Variants in PSD3 observed in about 807,000 individuals in gnomAD.
PSD3 encodes the protein pleckstrin and Sec7 domain containing 3.
Under a neutral mutation model 105.5 loss-of-function variants are expected in PSD3, and 49 were observed. The ratio of observed to expected loss-of-function variants is 0.46; its 90% CI spans 0.37 to 0.59. The LOEUF is 0.59. Among genes scored for constraint, PSD3 ranks in the 20% least tolerant of loss-of-function variants. PSD3 has a pLI of 0.00. For missense variants in PSD3, 1,561 were observed against 1,263.8 expected (o/e 1.24, Z -3.57); for synonymous variants, 557 against 457.8 (o/e 1.22, Z -2.77).
chr8:18,833,599 C>T (rs1385045840), intron 4 of PSD3, among the ~76,000 whole-genome samples: 2 of 152,118 alleles, frequency 1.3e-5, no homozygotes, highest in South Asian at 2.1e-4. Context: ...ATGAGTTTTC[C>T]ACTAGTTTCA....
At chr8:18,583,953 C>T (rs1313646877) in intron 12 of PSD3, among the ~76,000 whole-genome samples, 1 of 152,044 alleles carries the variant, frequency 6.6e-6, no homozygotes, top group African/African-American at 2.4e-5. Flanking sequence ...ATTTATGGCC[C>T]TCTGTATCAG....
chr8:18,576,237 G>A (rs904713245), intron 12 of PSD3, among the ~76,000 whole-genome samples: 1 of 152,074 alleles, frequency 6.6e-6, no homozygotes, highest in Non-Finnish European at 1.5e-5. Context: ...TCCTTCATGT[G>A]ACAATGCTGT....
intron 1 of PSD3, among the ~76,000 whole-genome samples, chr8:19,073,002 T>G (rs7000787): frequency 0.78 from 118,979 of 152,108 alleles, 47,498 homozygotes; most frequent in East Asian, 0.86. Flanking sequence ...GGTCCAGTAG[T>G]ACGAGGATTT....
At chr8:18,581,125 T>C (rs1315212504) in intron 12 of PSD3, among the ~76,000 whole-genome samples, 1 of 152,228 alleles carries the variant, frequency 6.6e-6, no homozygotes, top group Non-Finnish European at 1.5e-5. Flanking sequence ...TGACTCACTC[T>C]GTAACGAAGT....
At chr8:18,755,373 T>C (rs1404833227) in intron 9 of PSD3, among the ~76,000 whole-genome samples, 2 of 151,988 alleles carry the variant, frequency 1.3e-5, no homozygotes, top group African/African-American at 4.8e-5. Flanking sequence ...GAGGTTGCAG[T>C]GAGCCGAGAT....
intron 8 of PSD3, among the ~76,000 whole-genome samples, chr8:18,776,536 C>T (rs554965478): frequency 1.3e-5 from 2 of 151,824 alleles, no homozygotes; most frequent in Non-Finnish European, 2.9e-5. Flanking sequence ...GGCCACCACA[C>T]CTGGCTACTT....
intron 9 of PSD3, among the ~76,000 whole-genome samples, chr8:18,656,246 C>G (rs1004911070): frequency 1.3e-5 from 2 of 151,992 alleles, no homozygotes; most frequent in South Asian, 4.2e-4. Context: ...TTAGTAGAGA[C>G]GGGGTTTCAC....
intron 2 of PSD3, among the ~76,000 whole-genome samples, chr8:18,876,616 T>G (rs1428321638): frequency 1.3e-5 from 2 of 152,072 alleles, no homozygotes; most frequent in African/African-American, 4.8e-5. Context: ...CCCAGGCTAG[T>G]CTTGAACTCC....
chr8:19,019,793 C>T (rs1453896036), intron 1 of PSD3, among the ~76,000 whole-genome samples: 2 of 152,096 alleles, frequency 1.3e-5, no homozygotes, highest in Non-Finnish European at 2.9e-5. Flanking sequence ...CCTGGTGGGA[C>T]TCGACTGAAT....
At chr8:19,018,027 A>T (rs533498939), upstream of PSD3, among the ~76,000 whole-genome samples, 4 of 152,268 alleles carry the variant, frequency 2.6e-5, no homozygotes, top group African/African-American at 9.6e-5. Flanking sequence ...GCAATGTATG[A>T]AGGTTCTAAT....
At chr8:18,748,245 T>C (rs1252832435) in intron 9 of PSD3, among the ~76,000 whole-genome samples, 6 of 152,202 alleles carry the variant, frequency 3.9e-5, no homozygotes, top group Non-Finnish European at 8.8e-5. Context: ...TGGCAGAAAG[T>C]ATTCTGTGAC....
intron 11 of PSD3, among the ~76,000 whole-genome samples, chr8:18,608,693 C>T (rs1168031393): frequency 6.6e-6 from 1 of 152,112 alleles, no homozygotes; most frequent in Non-Finnish European, 1.5e-5. Flanking sequence ...ACCCCTCTTT[C>T]ATAAAGAGGA....
chr8:18,907,678 A>C (rs925151083), intron 2 of PSD3, among the ~76,000 whole-genome samples: 3 of 152,128 alleles, frequency 2.0e-5, no homozygotes, highest in African/African-American at 7.2e-5. Context: ...CTGCAAGTAC[A>C]CTCTGGTGTT....
At chr8:18,699,832 C>A (rs908024867) in intron 9 of PSD3, among the ~76,000 whole-genome samples, 4 of 151,636 alleles carry the variant, frequency 2.6e-5, no homozygotes, top group Non-Finnish European at 4.4e-5. Context: ...TTCGCAGTAA[C>A]ACACATTGTA....
chr8:18,665,240 T>G (rs1480437069), intron 9 of PSD3, among the ~76,000 whole-genome samples: 1 of 152,226 alleles, frequency 6.6e-6, no homozygotes, highest in African/African-American at 2.4e-5. Flanking sequence ...TTTGGATGTC[T>G]TCAAGAACAT....
At chr8:18,609,630 T>C (rs1805106995) in intron 11 of PSD3, among the ~76,000 whole-genome samples, 1 of 152,214 alleles carries the variant, frequency 6.6e-6, no homozygotes, top group Non-Finnish European at 1.5e-5. Flanking sequence ...GCTACCTTGA[T>C]AAGAAGGGAG....
intron 14 of PSD3, among the ~76,000 whole-genome samples, chr8:18,556,936 G>C (rs764105202): frequency 6.6e-6 from 1 of 152,134 alleles, no homozygotes; most frequent in Non-Finnish European, 1.5e-5. Context: ...CCTTCAACTT[G>C]ATTGGCCCAA....
intron 11 of PSD3, among the ~76,000 whole-genome samples, chr8:18,609,467 G>A (rs933168045): frequency 5.3e-5 from 8 of 152,184 alleles, no homozygotes; most frequent in Non-Finnish European, 1.2e-4. Flanking sequence ...CAGAAGTTCT[G>A]TACTAATATA....
intron 1 of PSD3, among the ~76,000 whole-genome samples, chr8:19,078,845 A>G (rs60972395): frequency 6.6e-6 from 1 of 151,620 alleles, no homozygotes; most frequent in Non-Finnish European, 1.5e-5. Context: ...ATGAGCAAGC[A>G]GATGGGCAGA....
Sources: gnomAD v4.1 joint callset for allele counts (sites outside exome capture counted in the v4.1 genomes callset) on GRCh38, gnomAD v4.1.1 for gene constraint, MANE v1.5 for transcripts, NCBI Gene and HGNC (gene_info 2026-07-23, HGNC 2026-07-21) for gene names.